Variants in PHEX observed in about 807,000 individuals in gnomAD.
PHEX encodes the protein phosphate-regulating neutral endopeptidase PHEX.
A neutral mutation model predicts 68.0 loss-of-function variants in PHEX; 16 were observed. That is an observed-to-expected ratio of 0.24 (90% CI 0.16 to 0.36). The LOEUF (loss-of-function observed/expected upper bound fraction) is 0.36, where lower values mean the gene tolerates loss of function less well. PHEX is among the 10% of genes least tolerant of loss of function. The pLI, the probability that PHEX is intolerant of heterozygous loss-of-function variation, is 1.00. For synonymous variants in PHEX, 208 were observed against 205.1 expected, an observed-to-expected ratio of 1.01 and a Z score of -0.12; for missense variants, 480 against 575.5, an observed-to-expected ratio of 0.83 and a Z score of 1.70.
intron 11 of PHEX, among the ~76,000 whole-genome samples, chrX:22,130,941 C>G (rs1182591328): frequency 1.8e-5 from 2 of 111,555 alleles, no homozygotes; most frequent in African/African-American, 3.3e-5. Context: ...ACTTTTTAAA[C>G]CCTCCCAATG....
At chrX:22,226,175 A>C (rs1164948137) in intron 18 of PHEX, among the ~76,000 whole-genome samples, 3 of 111,542 alleles carry the variant, frequency 2.7e-5, no homozygotes, top group African/African-American at 9.8e-5. Flanking sequence ...ATTTTATTGG[A>C]GCTGGCTAGA....
intron 13 of PHEX, among the ~76,000 whole-genome samples, chrX:22,177,830 A>T (rs1341432425): frequency 8.9e-6 from 1 of 111,986 alleles, no homozygotes; most frequent in Non-Finnish European, 1.9e-5. Context: ...CATTGTCTAT[A>T]AGCTAAATGA....
At chrX:22,096,632 T>C (rs768869236) in intron 7 of PHEX, among the ~76,000 whole-genome samples, 3 of 112,141 alleles carry the variant, frequency 2.7e-5, no homozygotes, top group African/African-American at 9.7e-5. Context: ...AATGGGATGT[T>C]TACCTCAATG....
chrX:22,171,089 T>C (rs1247844026), intron 13 of PHEX: 1 of 111,927 alleles, frequency 8.9e-6, no homozygotes, highest in Non-Finnish European at 1.9e-5. Context: ...TTTTAGTCAA[T>C]TTACACGGTG....
chrX:22,113,047 G>T (rs1019344169), intron 10 of PHEX, among the ~76,000 whole-genome samples: 5 of 90,298 alleles, frequency 5.5e-5, no homozygotes, highest in African/African-American at 3.8e-4. Context: ...GTGTGTGTGT[G>T]TGTGTGTTTG....
intron 15 of PHEX, among the ~76,000 whole-genome samples, chrX:22,209,179 G>A (rs1350224680): frequency 1.8e-5 from 2 of 111,250 alleles, no homozygotes; most frequent in Non-Finnish European, 3.8e-5. Flanking sequence ...GGTGAACTGA[G>A]GCAGTTGGTC....
intron 15 of PHEX, among the ~76,000 whole-genome samples, chrX:22,202,818 G>A (rs937943469): frequency 1.1e-4 from 12 of 111,696 alleles, no homozygotes; most frequent in African/African-American, 3.6e-4. Context: ...TATAGTGGAA[G>A]GAAATTAGTG....
At chrX:22,133,164 G>A (rs1349944703) in intron 11 of PHEX, among the ~76,000 whole-genome samples, 1 of 111,881 alleles carries the variant, frequency 8.9e-6, no homozygotes, top group African/African-American at 3.2e-5. Context: ...GGGATTACAG[G>A]CATGAGCCAC....
chrX:22,054,899 C>T (rs1569372078), intron 3 of PHEX, among the ~76,000 whole-genome samples: 2 of 109,393 alleles, frequency 1.8e-5, no homozygotes, highest in African/African-American at 3.3e-5. Context: ...TAGGGCTGGG[C>T]GTGGTGACTC....
chrX:22,090,285 A>G (rs982742135), intron 5 of PHEX, 144 bp from the exon 6 acceptor site: 1 of 510,426 alleles, frequency 2.0e-6, no homozygotes, highest in African/African-American at 2.3e-5. Context: ...ATTTGCATGT[A>G]ATTCTGAGTG....
At chrX:22,132,743 A>G (rs924267047) in intron 11 of PHEX, among the ~76,000 whole-genome samples, 1 of 112,091 alleles carries the variant, frequency 8.9e-6, no homozygotes, top group African/African-American at 3.2e-5. Context: ...CTTGATAAGG[A>G]TGAACTAGTT....
intron 10 of PHEX, among the ~76,000 whole-genome samples, chrX:22,112,081 T>A (rs1247838564): frequency 8.9e-6 from 1 of 111,950 alleles, no homozygotes; most frequent in African/African-American, 3.3e-5. Flanking sequence ...TCCAAGAGGC[T>A]CCAATTTAGT....
intron 13 of PHEX, among the ~76,000 whole-genome samples, chrX:22,177,076 A>T (rs1933733733): frequency 9.0e-6 from 1 of 111,124 alleles, no homozygotes; most frequent in African/African-American, 3.3e-5. Flanking sequence ...GTCTCCTGGA[A>T]AGATTGTTAA....
chrX:22,120,367 C>T (rs148748820), intron 11 of PHEX, among the ~76,000 whole-genome samples: 63 of 111,495 alleles, frequency 5.7e-4, no homozygotes, highest in African/African-American at 1.5e-3. Flanking sequence ...GCCAGTTTTA[C>T]GAATATGAGG....
intron 15 of PHEX, among the ~76,000 whole-genome samples, chrX:22,198,055 T>C (rs1934421979): frequency 9.5e-6 from 1 of 105,486 alleles, no homozygotes. Context: ...AATATTAATA[T>C]GTAATATTAA....
chrX:22,071,085 A>G (rs759694654), intron 3 of PHEX, among the ~76,000 whole-genome samples: 1 of 111,793 alleles, frequency 8.9e-6, no homozygotes, highest in Non-Finnish European at 1.9e-5. Context: ...TTTGTATTCT[A>G]GAGCACTCAA....
intron 3 of PHEX, among the ~76,000 whole-genome samples, chrX:22,073,490 CAT>C (rs1928999095): frequency 9.0e-6 from 1 of 111,418 alleles, no homozygotes. Flanking sequence ...CCCCTTCCCA[CAT>C]GTCTATTATG....
chrX:22,162,401 A>G (rs938747477), intron 12 of PHEX, among the ~76,000 whole-genome samples: 1 of 112,139 alleles, frequency 8.9e-6, no homozygotes, highest in Non-Finnish European at 1.9e-5. Flanking sequence ...AAAGAGTGAC[A>G]TTATTTCTCA....
intron 12 of PHEX, among the ~76,000 whole-genome samples, chrX:22,142,000 C>T (rs754203313): frequency 1.8e-5 from 2 of 112,106 alleles, no homozygotes; most frequent in Non-Finnish European, 3.8e-5. Context: ...CTTGTAATCC[C>T]AGCACTTTGG....
Sources: allele counts gnomAD v4.1 joint callset (sites outside exome capture counted in the v4.1 genomes callset), GRCh38; gene constraint gnomAD v4.1.1; transcripts MANE v1.5; gene names NCBI Gene and HGNC (gene_info 2026-07-23, HGNC 2026-07-21).